The following POU6F2 variants were observed in gnomAD, a reference collection of about 807,000 sequenced individuals.
POU6F2 encodes POU domain, class 6, transcription factor 2.
POU6F2 carries 31 observed loss-of-function variants against 71.3 expected under a neutral mutation model. The observed-to-expected ratio is 0.43, with a 90% CI of 0.33 to 0.59. The LOEUF is 0.59. Among genes scored for constraint, POU6F2 ranks in the 20% least tolerant of loss-of-function variants. POU6F2 has a pLI of 0.04. For missense variants in POU6F2, 783 were observed against 856.8 expected (o/e 0.91, Z 1.07); for synonymous variants, 347 against 355.7 (o/e 0.98, Z 0.27).
chr7:39,319,051 G>A (rs752798369), intron 4 of POU6F2, among the ~76,000 whole-genome samples: 1 of 152,140 alleles, frequency 6.6e-6, no homozygotes, highest in Non-Finnish European at 1.5e-5. Flanking sequence ...AAAATCACTT[G>A]AGCTTGGGAT....
Position 39,058,141 on chromosome 7 carries a change from T to C in POU6F2, c.106-27719T>C, listed in dbSNP as rs1790574262. Among the ~76,000 whole-genome samples the C allele has an allele frequency of 2.6e-5, 4 of 152,194 alleles. No individual in the cohort carries two copies. In the South Asian group the frequency reaches 8.3e-4, roughly 32 times the overall value. Reference sequence around the variant, plus strand: ...ACAGCATCTAATTCCTCCCCCCTTGTTTAAATGTACTATCTGAAAGCAGCA... The same window carrying C: ...ACAGCATCTAATTCCTCCCCCCTTGCTTAAATGTACTATCTGAAAGCAGCA... On this transcript the variant is annotated intron_variant, in intron 1 of 9. Transcript: ENST00000518318.
chr7:39,030,500 CTATATA>C (rs58426134), intron 1 of POU6F2, among the ~76,000 whole-genome samples: 4,427 of 46,206 alleles, frequency 0.096, 215 homozygotes, highest in Non-Finnish European at 0.12. Flanking sequence ...TCAAAAAATA[CTATATA>C]TATATATATA....
chr7:39,023,890 T>C (rs1789736184), intron 1 of POU6F2, among the ~76,000 whole-genome samples: 1 of 152,080 alleles, frequency 6.6e-6, no homozygotes, highest in East Asian at 1.9e-4. Flanking sequence ...AGAGCCAGGA[T>C]TCCTGTTTAG....
At chr7:39,139,965 A>G (rs1792461275) in intron 2 of POU6F2, among the ~76,000 whole-genome samples, 1 of 152,226 alleles carries the variant, frequency 6.6e-6, no homozygotes, top group African/African-American at 2.4e-5. Context: ...GCATTGAAGA[A>G]GGCAGGAATT....
intron 6 of POU6F2, among the ~76,000 whole-genome samples, chr7:39,431,995 G>A (rs758100754): frequency 5.3e-5 from 8 of 152,174 alleles, no homozygotes; most frequent in Non-Finnish European, 8.8e-5. Flanking sequence ...CCAGTGCCAC[G>A]TCGCTTCTCA....
At chr7:38,995,362 C>T (rs960471383) in intron 1 of POU6F2, among the ~76,000 whole-genome samples, 9 of 152,196 alleles carry the variant, frequency 5.9e-5, no homozygotes, top group African/African-American at 2.2e-4. Flanking sequence ...TCTCCTGCAT[C>T]TTCAAGGCAA....
In POU6F2 at chr7:39,204,317, T is replaced by G; in HGVS notation, c.360T>G (p.Val120=). ...GTCAGACCCACCCCCCATTTCCAGT[T>G]GGGCCACAGGTCAGTATCTCTCAAC... The part of the protein sequence containing the change: ...QASQTHPPFP[V]GPQPLLTAQQ... The change falls in exon 3 of 10, where the codon GTT becomes GTG. Residue 120 remains valine (V), a synonymous_variant. Transcript: ENST00000518318. 6.2e-7 allele frequency: 1 copy of G among 1,613,302 alleles called. No individual in the cohort carries two copies. Among genetic ancestry groups the G allele is most frequent in the Non-Finnish European group, 8.5e-7 (1 of 1,179,388 alleles).
chr7:39,447,249 G>A (rs1185290254), intron 7 of POU6F2, among the ~76,000 whole-genome samples: 1 of 148,860 alleles, frequency 6.7e-6, no homozygotes, highest in Non-Finnish European at 1.5e-5. Flanking sequence ...GAAACACATT[G>A]ATAGATCATG....
rs146940188 is a variant in POU6F2 at position 39,434,860 on chromosome 7, C to T, written c.1320+1577C>T. Among the ~76,000 whole-genome samples the T allele has an allele frequency of 2.3e-3, 345 of 152,096 alleles. 4 individuals are homozygous for T. The highest frequency in any genetic ancestry group is 7.5e-3 in the African/African-American group (312 of 41,480). The stretch of plus-strand genomic sequence containing the variant: ...CATCTGTTCTCAATGTTCAACTCCC[C>T]GTTATGAGTGAGAACATGAGGTGTT... On this transcript the variant is annotated intron_variant, in intron 7 of 9. Transcript: ENST00000518318.
chr7:39,398,411 T>G (rs952472913), intron 5 of POU6F2, among the ~76,000 whole-genome samples: 1 of 151,258 alleles, frequency 6.6e-6, no homozygotes, highest in Non-Finnish European at 1.5e-5. Context: ...AAAAAAAGTC[T>G]AATGAGCCAT....
At chr7:39,265,479 T>C (rs1487376465) in intron 4 of POU6F2, among the ~76,000 whole-genome samples, 2 of 152,248 alleles carry the variant, frequency 1.3e-5, no homozygotes, top group Non-Finnish European at 2.9e-5. Flanking sequence ...CTTTTCTTAA[T>C]ACATTTAAAC....
intron 2 of POU6F2, among the ~76,000 whole-genome samples, chr7:39,177,934 A>T (rs1217784772): frequency 2.0e-5 from 3 of 152,210 alleles, no homozygotes; most frequent in Non-Finnish European, 4.4e-5. Flanking sequence ...CCATATAATT[A>T]TATCTGTATC....
chr7:39,365,234 T>C (rs911526034), intron 5 of POU6F2, among the ~76,000 whole-genome samples: 15 of 152,122 alleles, frequency 9.9e-5, no homozygotes, highest in Admixed American at 9.8e-4. Context: ...TAAACCCAAA[T>C]ACTTACTTAC....
At chr7:39,321,640 C>T (rs920019847) in intron 4 of POU6F2, among the ~76,000 whole-genome samples, 1 of 152,070 alleles carries the variant, frequency 6.6e-6, no homozygotes, top group Non-Finnish European at 1.5e-5. Context: ...TGTCTGTTTT[C>T]CCAGATAGGA....
intron 9 of POU6F2, among the ~76,000 whole-genome samples, chr7:39,463,891 A>G (rs1485096081): frequency 6.6e-6 from 1 of 152,226 alleles, no homozygotes; most frequent in Non-Finnish European, 1.5e-5. Flanking sequence ...CTCAGAGTTT[A>G]TAGGGAAAAG....
intron 1 of POU6F2, among the ~76,000 whole-genome samples, chr7:39,060,426 C>A (rs1790630988): frequency 6.6e-6 from 1 of 152,092 alleles, no homozygotes; most frequent in Non-Finnish European, 1.5e-5. Context: ...CTAAAAACAA[C>A]TGAATTATAC....
chr7:39,337,654 T>C (rs1785808695), intron 4 of POU6F2, among the ~76,000 whole-genome samples: 1 of 152,216 alleles, frequency 6.6e-6, no homozygotes, highest in Non-Finnish European at 1.5e-5. Context: ...TTAACTCTCA[T>C]TTTCATGTTA....
chr7:39,149,071 C>T (rs2128733676), intron 2 of POU6F2, among the ~76,000 whole-genome samples: 1 of 152,236 alleles, frequency 6.6e-6, no homozygotes, highest in East Asian at 1.9e-4. Flanking sequence ...TGAGGGAGGA[C>T]TCTGAGGAAG....
At chr7:39,240,668 C>T (rs1450999314) in intron 4 of POU6F2, among the ~76,000 whole-genome samples, 14 of 152,070 alleles carry the variant, frequency 9.2e-5, no homozygotes, top group Admixed American at 9.2e-4. Context: ...TAGCAACTGG[C>T]ACAAAGTAGG....
Sources: gnomAD v4.1 joint callset for allele counts (sites outside exome capture counted in the v4.1 genomes callset) on GRCh38, gnomAD v4.1.1 for gene constraint, MANE v1.5 for transcripts, NCBI Gene and HGNC (gene_info 2026-07-23, HGNC 2026-07-21) for gene names.